The following H3-4 variants were observed in gnomAD, a reference collection of about 807,000 sequenced individuals.
H3-4 encodes histone H3.1t.
Under a neutral mutation model 3.8 loss-of-function variants are expected in H3-4, and 6 were observed. The ratio of observed to expected loss-of-function variants is 1.59; its 90% confidence interval spans 0.87 to 3.13. The LOEUF (loss-of-function observed/expected upper bound fraction) is 3.13. Ranked by LOEUF, H3-4 falls within the 30% of genes most tolerant of loss-of-function variation. The pLI is 0.00. For missense variants in H3-4, 298 were observed against 202.4 expected, an observed-to-expected ratio of 1.47 and a Z score of -2.87; for synonymous variants, 138 against 86.5, an observed-to-expected ratio of 1.60 and a Z score of -3.30.
Position 228,424,971 on chromosome 1 carries a change from T to C in H3-4, c.355A>G (p.Thr119Ala). ...AGCTGGATGTCCTTAGGCATGATGG[T>C]GACCCGTTTGGCATGGATGACACAC... ...NLCVIHAKRV[T>A]IMPKDIQLAR... is the part of the protein sequence containing the mutation. Residue 119 changes from threonine (T) to alanine (A), a missense_variant, in exon 1 of 1, where the codon ACC becomes GCC. Physicochemically the swap from Thr to Ala is moderately conservative, Grantham distance 58. Coordinates refer to ENST00000366696, the MANE Select transcript of H3-4 (RefSeq NM_003493.3). 1 of 1,614,186 alleles carries C rather than the reference T, an allele frequency of 6.2e-7. No homozygotes were observed. The highest frequency in any genetic ancestry group is 8.5e-7 in the Non-Finnish European group (1 of 1,180,032).
rs748123791 is a variant in H3-4, at chr1:228,425,316, T to G, written c.10A>C (p.Thr4Pro). 2.5e-6 allele frequency: 4 copies of G among 1,613,868 alleles called. 1 individual carries two copies. The South Asian group carries it at 3.3e-5, about 13-fold the overall frequency. The change falls in exon 1 of 1, where the codon ACC becomes CCC. Residue 4 changes from threonine (T) to proline (P), a missense_variant. By Grantham distance (38) the Thr-to-Pro change is conservative (BLOSUM62 -1). Transcript: ENST00000366696. MARTKQTARKSTGG... is the reference protein window; with the variant it reads MARPKQTARKSTGG... Reference sequence around the variant, plus strand: ...GTTGACTTGCGCGCAGTCTGCTTGGTTCGGGCCATGAATCCGAAACTGTTG... The same window carrying G: ...GTTGACTTGCGCGCAGTCTGCTTGGGTCGGGCCATGAATCCGAAACTGTTG...
At position 228,424,858 on chromosome 1, in the gene H3-4, T is replaced by A; in HGVS notation, c.*57A>T. 6.2e-6 allele frequency: 10 copies of A among 1,610,758 alleles called. No individual in the cohort carries two copies. Among genetic ancestry groups the A allele is most frequent in the Non-Finnish European group, 8.5e-6 (10 of 1,177,078 alleles). The stretch of plus-strand genomic sequence containing the variant: ...AACTCTTCGACCAGGTGGGTGGCTC[T>A]TAAAAGAGCCTTTGGGGTGAACGTT... On this transcript the variant is annotated 3_prime_UTR_variant, in exon 1 of 1. Transcript: ENST00000366696.
chr1:228,425,199 G>A lies in H3-4; in HGVS notation c.127C>T (p.Arg43Trp), dbSNP rs1484326215. ...TGGVKKPHRY[R>W]PGTVALREIR... ...TCGCGAAGCGCCACCGTGCCGGGCCGGTAGCGGTGCGGCTTCTTCACGCCG... is the reference window on the plus strand; with the variant it reads ...TCGCGAAGCGCCACCGTGCCGGGCCAGTAGCGGTGCGGCTTCTTCACGCCG... Residue 43 changes from arginine to tryptophan, a missense_variant, in exon 1 of 1, where the codon CGG (arginine) becomes TGG (tryptophan). By Grantham distance (101) the Arg-to-Trp change is moderately radical. Transcript: ENST00000366696. The A allele has an allele frequency of 6.8e-6, 11 of 1,613,986 alleles. No individual in the cohort carries two copies. The highest frequency in any genetic ancestry group is 1.7e-5 in the Admixed American group (1 of 60,020).
chr1:228,425,151 T>C lies in H3-4; in HGVS notation c.175A>G (p.Thr59Ala), dbSNP rs776419197. ...GGCAACTTGCGGATTAGCAGCTCAG[T>C]GGACTTCTGGTAGCGGCGGATCTCG... ...LREIRRYQKS[T>A]ELLIRKLPFQ... The change falls in exon 1 of 1, where the codon ACT becomes GCT. Residue 59 changes from threonine to alanine, a missense_variant. Thr to Ala is a moderately conservative substitution (Grantham distance 58, BLOSUM62 0). Coordinates refer to ENST00000366696, the MANE Select transcript of H3-4 (RefSeq NM_003493.3). 5.0e-6 allele frequency: 8 copies of C among 1,613,884 alleles called. No homozygotes were observed. Among genetic ancestry groups the C allele is most frequent in the Non-Finnish European group, 5.9e-6 (7 of 1,179,844 alleles).
Position 228,425,339 on chromosome 1 carries a change from T to G in H3-4, c.-14A>C, listed in dbSNP as rs375695485. On this transcript the variant is annotated 5_prime_UTR_variant, in exon 1 of 1. Transcript: ENST00000366696. ...GGTTCGGGCCATGAATCCGAAACTG[T>G]TGGCCCCGCGGTGTCCTCTGCCCAG... 5.6e-6 allele frequency: 9 copies of G among 1,613,806 alleles called. No homozygotes were observed. Among genetic ancestry groups the G allele is most frequent in the Non-Finnish European group, 6.8e-6 (8 of 1,179,788 alleles).
Position 228,424,974 on chromosome 1 carries a change from C to A in H3-4, c.352G>T (p.Val118Phe). The change falls in exon 1 of 1, where the codon GTC becomes TTC. Residue 118 changes from valine to phenylalanine, a missense_variant. Val to Phe is a conservative substitution (Grantham distance 50). Coordinates refer to ENST00000366696, the MANE Select transcript of H3-4 (RefSeq NM_003493.3). ...TGGATGTCCTTAGGCATGATGGTGA[C>A]CCGTTTGGCATGGATGACACACAGG... The part of the protein sequence containing the change: ...TNLCVIHAKR[V>F]TIMPKDIQLA... 1 of 1,614,214 alleles carries A rather than the reference C, an allele frequency of 6.2e-7. No individual in the cohort carries two copies. The highest frequency in any genetic ancestry group is 8.5e-7 in the Non-Finnish European group (1 of 1,180,028).
At position 228,425,246 on chromosome 1, in the gene H3-4, C is replaced by G. The variant is rs765519082; in HGVS notation, c.80G>C (p.Arg27Pro). The G allele has an allele frequency of 6.2e-7, 1 of 1,613,466 alleles. No homozygotes were observed. ...GCCGCCAGTGGCAGGTGCGCTCTTGCGAGCCACCTTGGTGGCCAGCTGCTT... is the reference window on the plus strand; with the variant it reads ...GCCGCCAGTGGCAGGTGCGCTCTTGGGAGCCACCTTGGTGGCCAGCTGCTT... ...PRKQLATKVARKSAPATGGVK... is the reference protein window; with the variant it reads ...PRKQLATKVAPKSAPATGGVK... The change falls in exon 1 of 1, where the codon CGC (arginine) becomes CCC (proline). Residue 27 changes from arginine (R) to proline (P), a missense_variant. By Grantham distance (103) the Arg-to-Pro change is moderately radical. Transcript: ENST00000366696.
chr1:228,424,876 T>C lies in H3-4; in HGVS notation c.*39A>G, dbSNP rs1048038897. The C allele has an allele frequency of 2.5e-6, 4 of 1,613,488 alleles. No homozygotes were observed. The South Asian group carries it at 4.4e-5, about 18-fold the overall frequency. On this transcript the variant is annotated 3_prime_UTR_variant, in exon 1 of 1. Coordinates refer to ENST00000366696, the MANE Select transcript of H3-4 (RefSeq NM_003493.3). The stretch of plus-strand genomic sequence containing the variant: ...GTGGCTCTTAAAAGAGCCTTTGGGG[T>C]GAACGTTGCGCAACCTCTCAGGTGG...
In H3-4 at chr1:228,425,219, A is replaced by G. The variant is rs372584075; in HGVS notation, c.107T>C (p.Val36Ala). The G allele has an allele frequency of 4.6e-5, 74 of 1,613,550 alleles. No individual in the cohort carries two copies. The Middle Eastern group carries it at 6.6e-4, about 14-fold the overall frequency. The change falls in exon 1 of 1, where the codon GTG becomes GCG. Residue 36 changes from valine (V) to alanine (A), a missense_variant. Physicochemically the swap from Val to Ala is moderately conservative, Grantham distance 64. Coordinates refer to ENST00000366696, the MANE Select transcript of H3-4 (RefSeq NM_003493.3). ...GGGCCGGTAGCGGTGCGGCTTCTTCACGCCGCCAGTGGCAGGTGCGCTCTT... is the reference window on the plus strand; with the variant it reads ...GGGCCGGTAGCGGTGCGGCTTCTTCGCGCCGCCAGTGGCAGGTGCGCTCTT... Reference protein sequence around the residue: ...ARKSAPATGGVKKPHRYRPGT... With the variant: ...ARKSAPATGGAKKPHRYRPGT...
chr1:228,425,279 G>A lies in H3-4; in HGVS notation c.47C>T (p.Ala16Val), dbSNP rs571515258. 6.4e-5 allele frequency: 104 copies of A among 1,613,838 alleles called. No homozygotes were observed. In the East Asian group the frequency reaches 7.1e-4, roughly 11 times the overall value. Residue 16 changes from alanine to valine, a missense_variant, in exon 1 of 1, where the codon GCG (alanine) becomes GTG (valine). Coordinates refer to ENST00000366696, the MANE Select transcript of H3-4 (RefSeq NM_003493.3). Reference protein sequence around the residue: ...QTARKSTGGKAPRKQLATKVA... With the variant: ...QTARKSTGGKVPRKQLATKVA... ...CTTGGTGGCCAGCTGCTTGCGCGGC[G>A]CCTTGCCACCCGTTGACTTGCGCGC...
In H3-4 at chr1:228,425,236, T is replaced by C. The variant is rs774058938; in HGVS notation, c.90A>G (p.Ala30=). The stretch of plus-strand genomic sequence containing the variant: ...GCTTCTTCACGCCGCCAGTGGCAGG[T>C]GCGCTCTTGCGAGCCACCTTGGTGG... The part of the protein sequence containing the change: ...QLATKVARKS[A]PATGGVKKPH... Residue 30 remains alanine, a synonymous_variant, in exon 1 of 1, where the codon GCA becomes GCG. Transcript: ENST00000366696. 2 of 1,564,692 alleles carry C rather than the reference T, an allele frequency of 1.3e-6. No individual in the cohort carries two copies. Among genetic ancestry groups the C allele is most frequent in the Admixed American group, 1.9e-5 (1 of 53,622 alleles).
rs1332403307 is a variant in H3-4 at position 228,424,943 on chromosome 1, G to A, written c.383C>T (p.Ala128Val). 1.9e-6 allele frequency: 3 copies of A among 1,614,094 alleles called. No individual in the cohort carries two copies. Among genetic ancestry groups the A allele is most frequent in the African/African-American group, 2.7e-5 (2 of 74,928 alleles). ...VTIMPKDIQLARRIRGERA is the reference protein window; with the variant it reads ...VTIMPKDIQLVRRIRGERA ...GGCCCGCTCCCCGCGGATACGGCGTGCCAGCTGGATGTCCTTAGGCATGAT... is the reference window on the plus strand; with the variant it reads ...GGCCCGCTCCCCGCGGATACGGCGTACCAGCTGGATGTCCTTAGGCATGAT... The change falls in exon 1 of 1, where the codon GCA becomes GTA. Residue 128 changes from alanine to valine, a missense_variant. Physicochemically the swap from Ala to Val is moderately conservative, Grantham distance 64. Coordinates refer to ENST00000366696, the MANE Select transcript of H3-4 (RefSeq NM_003493.3).
Position 228,424,933 on chromosome 1 carries a change from G to C in H3-4, c.393C>G (p.Ile131Met). 6.2e-7 allele frequency: 1 copy of C among 1,614,194 alleles called. No homozygotes were observed. The highest frequency in any genetic ancestry group is 1.6e-4 in the Middle Eastern group (1 of 6,062). ...MPKDIQLARR[I>M]RGERA The stretch of plus-strand genomic sequence containing the variant: ...AGCCCTCCTAGGCCCGCTCCCCGCG[G>C]ATACGGCGTGCCAGCTGGATGTCCT... The change falls in exon 1 of 1, where the codon ATC becomes ATG. Residue 131 changes from isoleucine to methionine, a missense_variant. Transcript: ENST00000366696.
Position 228,424,916 on chromosome 1 carries a change from T to TA in H3-4, c.409dup (p.Ter137LeufsTer?). Reference sequence around the variant, plus strand: ...CTCTCAGGTGGCGAGATAGCCCTCCTAGGCCCGCTCCCCGCGGATACGGCG... The same window carrying TA: ...CTCTCAGGTGGCGAGATAGCCCTCCTAAGGCCCGCTCCCCGCGGATACGGCG... On this transcript the variant is annotated frameshift_variant and stop_lost, in exon 1 of 1. Transcript: ENST00000366696. LOFTEE classifies it high-confidence loss of function. The TA allele has an allele frequency of 6.2e-7, 1 of 1,614,094 alleles. No homozygotes were observed. The highest frequency in any genetic ancestry group is 8.5e-7 in the Non-Finnish European group (1 of 1,179,990).
chr1:228,425,309 T>G lies in H3-4; in HGVS notation c.17A>C (p.Gln6Pro). 2 of 1,613,910 alleles carry G rather than the reference T, an allele frequency of 1.2e-6. No homozygotes were observed. The highest frequency in any genetic ancestry group is 1.7e-6 in the Non-Finnish European group (2 of 1,179,828). Residue 6 changes from glutamine to proline, a missense_variant, in exon 1 of 1, where the codon CAG becomes CCG. Coordinates refer to ENST00000366696, the MANE Select transcript of H3-4 (RefSeq NM_003493.3). ...GCCACCCGTTGACTTGCGCGCAGTC[T>G]GCTTGGTTCGGGCCATGAATCCGAA... MARTK[Q>P]TARKSTGGKA...
In H3-4 at chr1:228,424,962, G is replaced by A; in HGVS notation, c.364C>T (p.Pro122Ser). The A allele has an allele frequency of 1.2e-6, 2 of 1,614,216 alleles. No homozygotes were observed. The highest frequency in any genetic ancestry group is 1.7e-6 in the Non-Finnish European group (2 of 1,180,034). ...CGGCGTGCCAGCTGGATGTCCTTAGGCATGATGGTGACCCGTTTGGCATGG... is the reference window on the plus strand; with the variant it reads ...CGGCGTGCCAGCTGGATGTCCTTAGACATGATGGTGACCCGTTTGGCATGG... ...VIHAKRVTIM[P>S]KDIQLARRIR... is the part of the protein sequence containing the mutation. The change falls in exon 1 of 1, where the codon CCT becomes TCT. Residue 122 changes from proline (P) to serine (S), a missense_variant. Coordinates refer to ENST00000366696, the MANE Select transcript of H3-4 (RefSeq NM_003493.3).
At position 228,425,312 on chromosome 1, in the gene H3-4, T is replaced by C. The variant is rs1387025845; in HGVS notation, c.14A>G (p.Lys5Arg). 7 of 1,613,924 alleles carry C rather than the reference T, an allele frequency of 4.3e-6. No homozygotes were observed. Among genetic ancestry groups the C allele is most frequent in the Non-Finnish European group, 5.9e-6 (7 of 1,179,824 alleles). The change falls in exon 1 of 1, where the codon AAG becomes AGG. Residue 5 changes from lysine (K) to arginine (R), a missense_variant. By Grantham distance (26) the Lys-to-Arg change is conservative. Coordinates refer to ENST00000366696, the MANE Select transcript of H3-4 (RefSeq NM_003493.3). MART[K>R]QTARKSTGGK... ...ACCCGTTGACTTGCGCGCAGTCTGCTTGGTTCGGGCCATGAATCCGAAACT... is the reference window on the plus strand; with the variant it reads ...ACCCGTTGACTTGCGCGCAGTCTGCCTGGTTCGGGCCATGAATCCGAAACT...
Position 228,424,867 on chromosome 1 carries a change from C to T in H3-4, c.*48G>A, listed in dbSNP as rs745500445. 1.2e-6 allele frequency: 2 copies of T among 1,612,572 alleles called. No individual in the cohort carries two copies. Among genetic ancestry groups the T allele is most frequent in the South Asian group, 1.1e-5 (1 of 91,032 alleles). On this transcript the variant is annotated 3_prime_UTR_variant, in exon 1 of 1. Coordinates refer to ENST00000366696, the MANE Select transcript of H3-4 (RefSeq NM_003493.3). ...ACCAGGTGGGTGGCTCTTAAAAGAG[C>T]CTTTGGGGTGAACGTTGCGCAACCT... is the stretch of plus-strand genomic sequence containing the variant.
At position 228,425,346 on chromosome 1, in the gene H3-4, C is replaced by T. The variant is rs754728490; in HGVS notation, c.-21G>A. 6.2e-7 allele frequency: 1 copy of T among 1,613,656 alleles called. No individual in the cohort carries two copies. On this transcript the variant is annotated 5_prime_UTR_variant, in exon 1 of 1. Coordinates refer to ENST00000366696, the MANE Select transcript of H3-4 (RefSeq NM_003493.3). Reference sequence around the variant, plus strand: ...GCCATGAATCCGAAACTGTTGGCCCCGCGGTGTCCTCTGCCCAGACCTCAG... The same window carrying T: ...GCCATGAATCCGAAACTGTTGGCCCTGCGGTGTCCTCTGCCCAGACCTCAG...
Sources: gnomAD v4.1 joint callset for allele counts on GRCh38, gnomAD v4.1.1 for gene constraint, MANE v1.5 for transcripts, NCBI Gene and HGNC (gene_info 2026-07-23, HGNC 2026-07-21) for gene names.